SEC31B: variants seen among roughly 807,000 people sequenced by gnomAD.
SEC31B encodes the protein protein transport protein Sec31B.
Under a neutral mutation model 135.0 loss-of-function variants are expected in SEC31B, and 113 were observed. That is an observed-to-expected ratio of 0.84 (90% CI 0.72 to 0.98). The LOEUF is 0.98. Among genes scored for constraint, SEC31B ranks in the 50% least tolerant of loss-of-function variants. The pLI is 0.00. For synonymous variants in SEC31B, 508 were observed against 549.4 expected (o/e 0.92, Z 1.05); for missense variants, 1,296 against 1,421.1 (o/e 0.91, Z 1.42).
At chr10:100,487,981 T>C (rs766986176) in intron 25 of SEC31B, 46 bp downstream of exon 25, 9 of 1,589,422 alleles carry the variant, frequency 5.7e-6, no homozygotes, top group South Asian at 1.1e-5. Flanking sequence ...GCCATGGTGA[T>C]GGTGGAAGTG....
chr10:100,506,620 C>G (rs781289845), intron 7 of SEC31B, 200 bp from the exon 8 acceptor site: 85 of 594,334 alleles, frequency 1.4e-4, no homozygotes, highest in Non-Finnish European at 2.4e-4. Flanking sequence ...AGAGTCAGAA[C>G]CCAAACCAAA....
chr10:100,517,907 T>C (rs4399273), intron 1 of SEC31B, among the ~76,000 whole-genome samples: 152,122 of 152,240 alleles, frequency 1, 76,002 homozygotes, highest in Middle Eastern at 1. Flanking sequence ...TTTAGTCTCC[T>C]TGATTTAACC....
In SEC31B at chr10:100,509,429, T is replaced by A; in HGVS notation, c.286A>T (p.Met96Leu). ...GVIVGGGDNG[M>L]LILYNVTHIL... Reference sequence around the variant, plus strand: ...TGGGTCACATTGTATAGAATAAGCATGCCATTGTCCCCGCCGCCAACAATA... The same window carrying A: ...TGGGTCACATTGTATAGAATAAGCAAGCCATTGTCCCCGCCGCCAACAATA... The change falls in exon 4 of 26, where the codon ATG (methionine) becomes TTG (leucine). Residue 96 changes from methionine to leucine, a missense_variant. Transcript: ENST00000370345. 1 of 1,614,094 alleles carries A rather than the reference T, an allele frequency of 6.2e-7. No individual in the cohort carries two copies. The highest frequency in any genetic ancestry group is 8.5e-7 in the Non-Finnish European group (1 of 1,180,002).
rs1434599205 is a variant in SEC31B at position 100,502,396 on chromosome 10, T to G, written c.1268A>C (p.Gln423Pro). Residue 423 changes from glutamine to proline, a missense_variant, in exon 11 of 26, where the codon CAA (glutamine) becomes CCA (proline). Gln to Pro is a moderately conservative substitution (Grantham distance 76). Transcript: ENST00000370345. ...CAGGAATTCAGATTCTGTGGTGACT[T>G]GACTGATGAAGACTAGGCGGGGGCA... ...QPCPRLVFIS[Q>P]VTTESEFLMR... The G allele has an allele frequency of 5.6e-6, 9 of 1,614,066 alleles. No individual in the cohort carries two copies. The highest frequency in any genetic ancestry group is 7.6e-6 in the Non-Finnish European group (9 of 1,180,044).
At chr10:100,505,862 T>G in intron 9 of SEC31B, 178 bp downstream of exon 9, 2 of 1,497,214 alleles carry the variant, frequency 1.3e-6, no homozygotes, top group South Asian at 2.7e-5. Flanking sequence ...TTCTTCACAT[T>G]GTGGCAGAAA....
intron 3 of SEC31B, among the ~76,000 whole-genome samples, chr10:100,509,914 A>G (rs1190773451): frequency 6.6e-6 from 1 of 152,238 alleles, no homozygotes; most frequent in African/African-American, 2.4e-5. Context: ...CTTGCTATGT[A>G]TCAGACACTG....
rs373968362 is a variant in SEC31B, at chr10:100,506,025, C to T, written c.1044+15G>A. On this transcript the variant is annotated intron_variant, in intron 9 of 25. Coordinates refer to ENST00000370345, the MANE Select transcript of SEC31B (RefSeq NM_015490.4). ...AGCCCCTTCCCTCCAGCATTCTCTA[C>T]CAAGCCCTTCAAACCTTGTCAGCCT... The T allele has an allele frequency of 9.3e-6, 15 of 1,613,004 alleles. No individual in the cohort carries two copies. The African/African-American group carries it at 1.6e-4, about 17-fold the overall frequency.
chr10:100,505,685 G>C (rs977181215), intron 9 of SEC31B, 190 bp from the exon 10 acceptor site: 46 of 1,410,902 alleles, frequency 3.3e-5, no homozygotes, highest in Non-Finnish European at 4.2e-5. Flanking sequence ...TAGGCTCTTG[G>C]AAAGACTACT....
chr10:100,505,904 G>T lies in SEC31B; in HGVS notation c.1044+136C>A, dbSNP rs1851620478. Reference sequence around the variant, plus strand: ...TCCTTTCAGGAAGATGGGCACTAGGGCAAAGGTGCAGCCCTCCCAAACCCC... The same window carrying T: ...TCCTTTCAGGAAGATGGGCACTAGGTCAAAGGTGCAGCCCTCCCAAACCCC... On this transcript the variant is annotated intron_variant, in intron 9 of 25. Coordinates refer to ENST00000370345, the MANE Select transcript of SEC31B (RefSeq NM_015490.4). The T allele has an allele frequency of 1.1e-5, 17 of 1,521,564 alleles. No individual in the cohort carries two copies. The Admixed American group carries it at 3.5e-4, about 31-fold the overall frequency. 94.3% of individuals were successfully genotyped at this position (1,521,564 alleles called of 1,614,324 possible).
chr10:100,489,910 G>C, intron 21 of SEC31B, 98 bp downstream of exon 21: 1 of 1,540,924 alleles, frequency 6.5e-7, no homozygotes, highest in Non-Finnish European at 8.7e-7. Flanking sequence ...CCACCCAACA[G>C]GGCCCTAGCC....
At chr10:100,498,596 G>A (rs1851457911) in intron 14 of SEC31B, 109 bp downstream of exon 14, 2 of 752,920 alleles carry the variant, frequency 2.7e-6, no homozygotes, top group South Asian at 3.3e-5. Context: ...TTGAGACGGT[G>A]GGAGGAAGGC....
chr10:100,506,122 G>T lies in SEC31B; in HGVS notation c.962C>A (p.Ala321Asp). Residue 321 changes from alanine to aspartate, a missense_variant, in exon 9 of 26, where the codon GCT (alanine) becomes GAT (aspartate). Ala to Asp is a moderately radical substitution (Grantham distance 126). Coordinates refer to ENST00000370345, the MANE Select transcript of SEC31B (RefSeq NM_015490.4). ...WCPRDPSVFS[A>D]ASFNGWISLY... ...ACTGATCCAGCCGTTGAAGGAGGCAGCAGAGAACACTGAAGGGTCCCGAGG... is the reference window on the plus strand; with the variant it reads ...ACTGATCCAGCCGTTGAAGGAGGCATCAGAGAACACTGAAGGGTCCCGAGG... 1 of 1,614,226 alleles carries T rather than the reference G, an allele frequency of 6.2e-7. No individual in the cohort carries two copies. The highest frequency in any genetic ancestry group is 8.5e-7 in the Non-Finnish European group (1 of 1,180,032).
At chr10:100,503,338 CCCCAGACAA>C (rs1330180873) in intron 10 of SEC31B, among the ~76,000 whole-genome samples, 3 of 152,146 alleles carry the variant, frequency 2.0e-5, no homozygotes, top group Admixed American at 2.0e-4. Context: ...CCAGGCCACA[CCCCAGACAA>C]TACAATCAGA....
In SEC31B at chr10:100,505,360, C is replaced by A. The variant is rs761091063; in HGVS notation, c.1179+1G>T. On this transcript the variant is annotated splice_donor_variant, in intron 10 of 25. Coordinates refer to ENST00000370345, the MANE Select transcript of SEC31B (RefSeq NM_015490.4). LOFTEE classifies it high-confidence loss of function. ...CACACCTATACATCCACTACACTTA[C>A]AGCAAATGAAACACCTGTTGGTCTT... The A allele has an allele frequency of 1.9e-6, 3 of 1,613,370 alleles. No homozygotes were observed. The highest frequency in any genetic ancestry group is 2.5e-6 in the Non-Finnish European group (3 of 1,179,676).
chr10:100,493,946 G>A (rs554990123), intron 19 of SEC31B, among the ~76,000 whole-genome samples: 21 of 150,400 alleles, frequency 1.4e-4, no homozygotes, highest in Middle Eastern at 3.4e-3. Flanking sequence ...GAAAAGAGAC[G>A]GGGAGAGGGA....
intron 5 of SEC31B, 100 bp downstream of exon 5, chr10:100,508,907 T>G: frequency 2.2e-6 from 2 of 911,602 alleles, no homozygotes; most frequent in Non-Finnish European, 3.5e-6. Context: ...AGTGGTAAAG[T>G]TTGATATCTC....
rs1265980639 is a variant in SEC31B at position 100,490,851 on chromosome 10, G to A, written c.2505C>T (p.Phe835=). The A allele has an allele frequency of 1.9e-6, 3 of 1,566,938 alleles. No individual in the cohort carries two copies. The highest frequency in any genetic ancestry group is 4.6e-5 in the East Asian group (2 of 43,694). The change falls in exon 20 of 26, where the codon TTC becomes TTT. Residue 835 remains phenylalanine, a synonymous_variant. Transcript: ENST00000370345. ...GCATCGCTGGTGATGACTGAGGGGTGAAAACCCTTGGCCTTGGAGATGGAG... is the reference window on the plus strand; with the variant it reads ...GCATCGCTGGTGATGACTGAGGGGTAAAAACCCTTGGCCTTGGAGATGGAG... ...VPTPSPRPRV[F]TPQSSPAMPL...
intron 3 of SEC31B, among the ~76,000 whole-genome samples, 177 bp downstream of exon 3, chr10:100,515,919 G>C (rs1385007010): frequency 6.6e-6 from 1 of 152,026 alleles, no homozygotes; most frequent in Admixed American, 6.6e-5. Context: ...TGGAAAGGGG[G>C]GGGGTGGTTG....
intron 5 of SEC31B, chr10:100,508,728 C>T (rs1271177286): frequency 2.0e-6 from 1 of 503,070 alleles, no homozygotes. Flanking sequence ...GCACTCCCAT[C>T]CCTTCTTGTG....
Sources: gnomAD v4.1 joint callset for allele counts (sites outside exome capture counted in the v4.1 genomes callset) on GRCh38, gnomAD v4.1.1 for gene constraint, MANE v1.5 for transcripts, NCBI Gene and HGNC (gene_info 2026-07-23, HGNC 2026-07-21) for gene names.